PLCB1: variants seen among roughly 807,000 people sequenced by gnomAD.
PLCB1 encodes 1-phosphatidylinositol 4,5-bisphosphate phosphodiesterase beta-1.
Under a neutral mutation model 161.8 loss-of-function variants are expected in PLCB1, and 46 were observed. The observed-to-expected ratio is 0.28, with a 90% CI of 0.22 to 0.36. PLCB1 has a LOEUF of 0.36. PLCB1 is among the 10% of genes least tolerant of loss of function. The pLI, the probability that PLCB1 is intolerant of heterozygous loss-of-function variation, is 1.00. For synonymous variants in PLCB1, 517 were observed against 503.7 expected (o/e 1.03, Z -0.35); for missense variants, 1,016 against 1,472.5 (o/e 0.69, Z 5.07).
intron 3 of PLCB1, among the ~76,000 whole-genome samples, chr20:8,510,855 AATTTTT>A (rs771714652): frequency 1.8e-4 from 28 of 152,210 alleles, no homozygotes; most frequent in Non-Finnish European, 2.2e-4. Context: ...CATTTTTTGC[AATTTTT>A]ATTTATAATT....
At chr20:8,455,391 A>G (rs962765676) in intron 3 of PLCB1, among the ~76,000 whole-genome samples, 3 of 150,092 alleles carry the variant, frequency 2.0e-5, no homozygotes, top group African/African-American at 7.3e-5. Flanking sequence ...ATACCATTAA[A>G]TGAGATATAT....
intron 26 of PLCB1, among the ~76,000 whole-genome samples, chr20:8,774,240 G>A (rs888161906): frequency 8.3e-5 from 12 of 144,614 alleles, no homozygotes; most frequent in Non-Finnish European, 1.1e-4. Flanking sequence ...ATTAGACACT[G>A]TTTTTCCCAA....
At chr20:8,683,770 T>C (rs1055206861) in intron 9 of PLCB1, among the ~76,000 whole-genome samples, 5 of 152,238 alleles carry the variant, frequency 3.3e-5, no homozygotes, top group Admixed American at 2.6e-4. Flanking sequence ...AAAATAATTC[T>C]TAATATGAGA....
At chr20:8,733,656 G>A (rs1169322607) in intron 19 of PLCB1, among the ~76,000 whole-genome samples, 1 of 150,860 alleles carries the variant, frequency 6.6e-6, no homozygotes, top group Non-Finnish European at 1.5e-5. Context: ...GGGGGAGCGG[G>A]GAGGGATAGC....
At chr20:8,744,464 T>C (rs1981044396) in intron 23 of PLCB1, among the ~76,000 whole-genome samples, 1 of 151,854 alleles carries the variant, frequency 6.6e-6, no homozygotes, top group Non-Finnish European at 1.5e-5. Context: ...TTCAAATAGC[T>C]GGGTGTGCTG....
rs112784685 is a variant in PLCB1, at chr20:8,154,281, G to A, written c.177+3910G>A. ...ATTTTTCATGTTAGTACATGTGTAT[G>A]TATCACATTCTTTCATATTGCTCTA... On this transcript the variant is annotated intron_variant, in intron 2 of 31. Transcript: ENST00000338037. Among the ~76,000 whole-genome samples, 594 of 152,178 alleles carry A rather than the reference G, an allele frequency of 3.9e-3. 4 individuals carry two copies. Among genetic ancestry groups the A allele is most frequent in the African/African-American group, 0.013 (555 of 41,550 alleles).
chr20:8,209,936 C>T (rs1188896973), intron 2 of PLCB1, among the ~76,000 whole-genome samples: 6 of 152,062 alleles, frequency 3.9e-5, no homozygotes, highest in African/African-American at 1.4e-4. Context: ...CTGCTGGGCA[C>T]AAGTGATCCT....
chr20:8,151,948 C>A (rs2051513228), intron 2 of PLCB1, among the ~76,000 whole-genome samples: 1 of 152,102 alleles, frequency 6.6e-6, no homozygotes, highest in African/African-American at 2.4e-5. Flanking sequence ...GGGTTTAGGA[C>A]CAAAGGCTCT....
chr20:8,824,215 G>A (rs566195210), intron 31 of PLCB1, among the ~76,000 whole-genome samples: 14 of 152,166 alleles, frequency 9.2e-5, no homozygotes, highest in Non-Finnish European at 1.5e-4. Context: ...AGAGTGGTCC[G>A]GCTCTGTCCT....
chr20:8,565,248 A>G (rs954551976), intron 3 of PLCB1, among the ~76,000 whole-genome samples: 1 of 152,116 alleles, frequency 6.6e-6, no homozygotes, highest in African/African-American at 2.4e-5. Context: ...CAGAAAACCA[A>G]ACACCACATG....
chr20:8,363,874 T>C (rs1006736524), intron 2 of PLCB1, among the ~76,000 whole-genome samples: 3 of 152,240 alleles, frequency 2.0e-5, no homozygotes, highest in Admixed American at 6.5e-5. Context: ...AGAAATATGA[T>C]AATTAGGTGA....
At chr20:8,640,494 A>C (rs919418904) in intron 4 of PLCB1, among the ~76,000 whole-genome samples, 2 of 152,238 alleles carry the variant, frequency 1.3e-5, no homozygotes, top group Non-Finnish European at 2.9e-5. Flanking sequence ...GGCAGATACA[A>C]CCAAAGTAAT....
At chr20:8,202,476 CAT>C (rs1427520389) in intron 2 of PLCB1, among the ~76,000 whole-genome samples, 21 of 152,240 alleles carry the variant, frequency 1.4e-4, no homozygotes, top group African/African-American at 4.8e-4. Flanking sequence ...TGTGTACACA[CAT>C]ATGTGGGCAC....
chr20:8,576,574 C>T (rs2327045), intron 3 of PLCB1, among the ~76,000 whole-genome samples: 92,048 of 152,046 alleles, frequency 0.61, 30,185 homozygotes, highest in African/African-American at 0.87. Context: ...TTATATATAA[C>T]TAAAAATCTA....
At chr20:8,708,639 A>G (rs576657042) in intron 11 of PLCB1, 31 bp from the exon 12 acceptor site, 2 of 1,369,076 alleles carry the variant, frequency 1.5e-6, no homozygotes, top group African/African-American at 1.4e-5. Flanking sequence ...AAATTCTGGC[A>G]TACTGAATAT....
intron 2 of PLCB1, among the ~76,000 whole-genome samples, chr20:8,208,699 T>C (rs1257561657): frequency 6.6e-6 from 1 of 152,112 alleles, no homozygotes; most frequent in Non-Finnish European, 1.5e-5. Flanking sequence ...TGCTTTTTGG[T>C]GCACATACAC....
At chr20:8,306,805 G>A (rs1221693957) in intron 2 of PLCB1, among the ~76,000 whole-genome samples, 1 of 152,170 alleles carries the variant, frequency 6.6e-6, no homozygotes, top group Non-Finnish European at 1.5e-5. Context: ...CTTGGAGGCG[G>A]TGACTCTTTA....
intron 3 of PLCB1, among the ~76,000 whole-genome samples, chr20:8,515,056 A>G (rs1299511356): frequency 6.6e-6 from 1 of 152,196 alleles, no homozygotes; most frequent in Non-Finnish European, 1.5e-5. Context: ...TTATGACAGG[A>G]AGACAAAAAA....
chr20:8,255,049 G>A (rs1390415502), intron 2 of PLCB1, among the ~76,000 whole-genome samples: 1 of 152,022 alleles, frequency 6.6e-6, no homozygotes. Flanking sequence ...TTAACACTGA[G>A]CAAAGAACAG....
Sources: gnomAD v4.1 joint callset for allele counts (sites outside exome capture counted in the v4.1 genomes callset) on GRCh38, gnomAD v4.1.1 for gene constraint, MANE v1.5 for transcripts, NCBI Gene and HGNC (gene_info 2026-07-23, HGNC 2026-07-21) for gene names.